The following CENPP variants were observed in gnomAD, a reference collection of about 807,000 sequenced individuals.
The protein encoded by CENPP is centromere protein P.
Under a neutral mutation model 35.6 loss-of-function variants are expected in CENPP, and 24 were observed. That is an observed-to-expected ratio of 0.67 (90% CI 0.49 to 0.95). The LOEUF is 0.95. CENPP is among the 40% of genes least tolerant of loss of function. CENPP has a pLI of 0.00. For missense variants in CENPP, 332 were observed against 345.3 expected (o/e 0.96, Z 0.31); for synonymous variants, 120 against 125.5 (o/e 0.96, Z 0.29).
chr9:92,469,455 G>C (rs1449119602), intron 5 of CENPP, among the ~76,000 whole-genome samples: 3 of 152,070 alleles, frequency 2.0e-5, no homozygotes, highest in African/African-American at 7.2e-5. Flanking sequence ...GAAGAGATGG[G>C]CCAGCAGGGT....
At chr9:92,483,463 C>T (rs530977854) in intron 5 of CENPP, among the ~76,000 whole-genome samples, 13 of 152,240 alleles carry the variant, frequency 8.5e-5, no homozygotes, top group South Asian at 2.1e-4. Context: ...CTCCTGACCT[C>T]GTGATCTGCC....
At chr9:92,534,731 T>G (rs755739275) in intron 5 of CENPP, among the ~76,000 whole-genome samples, 1 of 152,140 alleles carries the variant, frequency 6.6e-6, no homozygotes, top group Non-Finnish European at 1.5e-5. Context: ...GAAAGCAATA[T>G]GAAAACCTGA....
intron 5 of CENPP, among the ~76,000 whole-genome samples, chr9:92,583,025 A>G (rs1035626181): frequency 7.2e-5 from 11 of 152,214 alleles, no homozygotes; most frequent in Admixed American, 2.0e-4. Context: ...TTTGACAGGC[A>G]CATGGCAAAA....
chr9:92,604,367 C>T (rs1851013526), intron 5 of CENPP, among the ~76,000 whole-genome samples: 1 of 152,142 alleles, frequency 6.6e-6, no homozygotes, highest in Non-Finnish European at 1.5e-5. Context: ...AAATCCTTTG[C>T]CCATTGTTTA....
intron 5 of CENPP, among the ~76,000 whole-genome samples, chr9:92,533,328 AATATATATATATATATATAT>A (rs202147064): frequency 1.0e-4 from 4 of 38,334 alleles, no homozygotes; most frequent in African/African-American, 1.5e-4. Flanking sequence ...AAAAAAAAAA[AATATATATATATATATATAT>A]ATATATATAT....
intron 5 of CENPP, among the ~76,000 whole-genome samples, chr9:92,400,920 T>C (rs978862755): frequency 6.6e-6 from 1 of 152,220 alleles, no homozygotes; most frequent in Non-Finnish European, 1.5e-5. Context: ...TTCTCACTCA[T>C]AATGTGGGAT....
intron 5 of CENPP, among the ~76,000 whole-genome samples, chr9:92,532,318 A>G (rs1051163797): frequency 6.6e-6 from 1 of 152,042 alleles, no homozygotes; most frequent in Non-Finnish European, 1.5e-5. Flanking sequence ...TCTGTATACA[A>G]AGATATAATT....
chr9:92,341,837 A>AT, intron 3 of CENPP, among the ~76,000 whole-genome samples: 1 of 152,362 alleles, frequency 6.6e-6, no homozygotes, highest in Admixed American at 6.5e-5. Flanking sequence ...ATTTTAAGCC[A>AT]ATATTCTCAT....
At chr9:92,546,344 T>C (rs1449438612) in intron 5 of CENPP, among the ~76,000 whole-genome samples, 1 of 152,178 alleles carries the variant, frequency 6.6e-6, no homozygotes, top group Non-Finnish European at 1.5e-5. Flanking sequence ...CCCCTTCCAC[T>C]GTGTGGAAGC....
At chr9:92,497,156 T>A (rs1291494765) in intron 5 of CENPP, among the ~76,000 whole-genome samples, 1 of 152,164 alleles carries the variant, frequency 6.6e-6, no homozygotes, top group Non-Finnish European at 1.5e-5. Flanking sequence ...CAAAATGACA[T>A]TTATACAAAC....
At chr9:92,443,801 A>C (rs1041416040) in intron 5 of CENPP, among the ~76,000 whole-genome samples, 28 of 152,108 alleles carry the variant, frequency 1.8e-4, no homozygotes, top group Non-Finnish European at 5.9e-5. Flanking sequence ...CTGGAATTAC[A>C]GGTGCACACC....
chr9:92,509,320 C>CTT (rs1275238028), intron 5 of CENPP, among the ~76,000 whole-genome samples: 1 of 152,198 alleles, frequency 6.6e-6, no homozygotes, highest in African/African-American at 2.4e-5. Context: ...AGAGCATGTG[C>CTT]TTTCTTTGTA....
At chr9:92,382,751 G>A (rs1389413310) in intron 5 of CENPP, among the ~76,000 whole-genome samples, 3 of 152,074 alleles carry the variant, frequency 2.0e-5, no homozygotes, top group Non-Finnish European at 2.9e-5. Flanking sequence ...CATTGTTGAA[G>A]AGACTGGCGT....
intron 5 of CENPP, among the ~76,000 whole-genome samples, chr9:92,595,905 A>G (rs1850769612): frequency 6.6e-6 from 1 of 152,128 alleles, no homozygotes; most frequent in South Asian, 2.1e-4. Flanking sequence ...TTAACGTAAG[A>G]CTGTGAAGTA....
chr9:92,616,142 A>C lies in CENPP; in HGVS notation c.*2993A>C. The C allele has an allele frequency of 6.7e-6, 6 of 897,286 alleles. No homozygotes were observed. The highest frequency in any genetic ancestry group is 8.6e-6 in the Non-Finnish European group (5 of 581,658). 55.6% of individuals were successfully genotyped at this position (897,286 alleles called of 1,614,324 possible). A position where few individuals can be genotyped will look rare whatever the true frequency, so the allele number is the denominator to read the frequency against. Reference sequence around the variant, plus strand: ...CGTTCTCTCTCCCTTTCTTCTTTCAACTAGTATGTTTTTATGTTTTTTCTT... The same window carrying C: ...CGTTCTCTCTCCCTTTCTTCTTTCACCTAGTATGTTTTTATGTTTTTTCTT... On this transcript the variant is annotated 3_prime_UTR_variant, in exon 8 of 8. Transcript: ENST00000375587.
chr9:92,470,697 TTTTC>T, intron 5 of CENPP: 1 of 1,569,662 alleles, frequency 6.4e-7, no homozygotes. Context: ...TTTAAAATCA[TTTTC>T]TTTGATTTCC....
At chr9:92,416,897 C>T (rs34860658) in intron 5 of CENPP, 67,001 of 1,613,882 alleles carry the variant, frequency 0.042, 1,658 homozygotes, top group South Asian at 0.079. Context: ...TAATCTGTTA[C>T]TGCAGAGGTT....
At chr9:92,443,095 A>G (rs1245696841) in intron 5 of CENPP, among the ~76,000 whole-genome samples, 1 of 152,212 alleles carries the variant, frequency 6.6e-6, no homozygotes, top group Non-Finnish European at 1.5e-5. Context: ...AAAAGGTACA[A>G]AAGTAGAGAA....
Position 92,341,267 on chromosome 9 carries a change from C to T in CENPP, c.378+3638C>T, listed in dbSNP as rs1224713387. Among the ~76,000 whole-genome samples the T allele has an allele frequency of 2.6e-5, 4 of 152,296 alleles. No individual in the cohort carries two copies. In the East Asian group the frequency reaches 7.7e-4, roughly 29 times the overall value. The stretch of plus-strand genomic sequence containing the variant: ...AACTTCATTAGCAATTTTAATTTCG[C>T]CTTGGTCCTGTGGTCCTGTGATCTT... On this transcript the variant is annotated intron_variant, in intron 3 of 7. Transcript: ENST00000375587.
Sources: allele counts gnomAD v4.1 joint callset (sites outside exome capture counted in the v4.1 genomes callset), GRCh38; gene constraint gnomAD v4.1.1; transcripts MANE v1.5; gene names NCBI Gene and HGNC (gene_info 2026-07-23, HGNC 2026-07-21).